The following LAMB4 variants were observed in gnomAD, a reference collection of about 807,000 sequenced individuals.
The protein encoded by LAMB4 is laminin subunit beta-4.
In LAMB4, 196 loss-of-function variants were observed where a neutral mutation model predicts 199.2. The ratio of observed to expected loss-of-function variants is 0.98; its 90% CI spans 0.88 to 1.11. The LOEUF (loss-of-function observed/expected upper bound fraction) is 1.11. Among genes scored for constraint, LAMB4 ranks in the 50% least tolerant of loss-of-function variants. The pLI is 0.00. For synonymous variants in LAMB4, 744 were observed against 770.6 expected (o/e 0.97, Z 0.57); for missense variants, 2,080 against 2,171.2 (o/e 0.96, Z 0.83).
At chr7:108,062,571 C>T (rs896685800) in intron 23 of LAMB4, 9 of 365,124 alleles carry the variant, frequency 2.5e-5, no homozygotes, top group Middle Eastern at 1.4e-3. Context: ...CTGAAGTAGG[C>T]GAAGCTGAAC....
chr7:108,111,982 T>G, intron 3 of LAMB4, 36 bp from the exon 4 acceptor site: 1 of 1,553,572 alleles, frequency 6.4e-7, no homozygotes, highest in South Asian at 1.2e-5. Context: ...AAAATAAAAA[T>G]TGGAATTACA....
chr7:108,072,313 T>A (rs2036560623), intron 17 of LAMB4, among the ~76,000 whole-genome samples: 1 of 152,158 alleles, frequency 6.6e-6, no homozygotes, highest in South Asian at 2.1e-4. Flanking sequence ...CTTCATTGTG[T>A]CTTCTGGTGT....
chr7:108,105,760 C>A (rs1157318358), intron 8 of LAMB4, 57 bp downstream of exon 8: 2 of 1,432,356 alleles, frequency 1.4e-6, no homozygotes, highest in Non-Finnish European at 2.0e-6. Context: ...ATATATAGCA[C>A]CAGGACAGTG....
intron 29 of LAMB4, among the ~76,000 whole-genome samples, chr7:108,039,479 T>C (rs2035345615): frequency 6.6e-6 from 1 of 151,030 alleles, no homozygotes; most frequent in Non-Finnish European, 1.5e-5. Context: ...TCTTTTTTTT[T>C]TTTTTTTGAG....
At chr7:108,091,912 T>A in intron 13 of LAMB4, 136 bp from the exon 14 acceptor site, 1 of 847,664 alleles carries the variant, frequency 1.2e-6, no homozygotes. Flanking sequence ...TGTGGGAAGA[T>A]GCAGAAAGGC....
the LAMB4 span, among the ~76,000 whole-genome samples, chr7:108,014,788 T>G: frequency 6.6e-6 from 1 of 151,920 alleles, no homozygotes; most frequent in Admixed American, 6.6e-5. Context: ...AGTGGTGTGA[T>G]CTCAGCTCAC....
Position 108,104,625 on chromosome 7 carries a change from T to C in LAMB4, c.871-6A>G. 1.9e-6 allele frequency: 3 copies of C among 1,613,706 alleles called. No homozygotes were observed. The highest frequency in any genetic ancestry group is 2.5e-6 in the Non-Finnish European group (3 of 1,179,824). ...CACACACACTGACCGTGAACCTGCA[T>C]TGTGCAATAAATAGAGCGTTGAAAG... On this transcript the variant is annotated splice_region_variant and splice_polypyrimidine_tract_variant and intron_variant, in intron 8 of 33. Transcript: ENST00000388781.
At chr7:108,018,389 T>C in the LAMB4 span, among the ~76,000 whole-genome samples, 2 of 152,130 alleles carry the variant, frequency 1.3e-5, no homozygotes, top group African/African-American at 4.8e-5. Context: ...CCCAATGTCC[T>C]CTGCAGGGTT....
In LAMB4 at chr7:108,047,999, A is replaced by G; in HGVS notation, c.4235T>C (p.Leu1412Pro). Residue 1412 changes from leucine to proline, a missense_variant, in exon 28 of 34, where the codon CTG becomes CCG. Leu to Pro is a moderately conservative substitution (Grantham distance 98, BLOSUM62 -3). Coordinates refer to ENST00000388781, the MANE Select transcript of LAMB4 (RefSeq NM_007356.3). ...KCRGPGCHGS[L>P]TLSTNALQKA... The stretch of plus-strand genomic sequence containing the variant: ...TTGGAGGGCATTCGTTGAGAGGGTC[A>G]GGGAGCCGTGACAGCCGGGACCCCT... The G allele has an allele frequency of 2.5e-6, 4 of 1,614,178 alleles. No homozygotes were observed. The highest frequency in any genetic ancestry group is 3.4e-6 in the Non-Finnish European group (4 of 1,180,004).
At chr7:108,088,325 G>T (rs2037264027) in intron 14 of LAMB4, among the ~76,000 whole-genome samples, 1 of 152,112 alleles carries the variant, frequency 6.6e-6, no homozygotes, top group African/African-American at 2.4e-5. Context: ...ACCACGCCCA[G>T]CTAATTTTTG....
In LAMB4 at chr7:108,069,723, G is replaced by A; in HGVS notation, c.2287C>T (p.His763Tyr). The part of the protein sequence containing the change: ...RLIISMSAKL[H>Y]DGAVACKCHP... Reference sequence around the variant, plus strand: ...AGATACTTACCCACAGCCCCATCATGCAGCTTGGCAGACATGCTGATGATC... The same window carrying A: ...AGATACTTACCCACAGCCCCATCATACAGCTTGGCAGACATGCTGATGATC... The change falls in exon 18 of 34, where the codon CAT becomes TAT. Residue 763 changes from histidine to tyrosine, a missense_variant. By Grantham distance (83) the His-to-Tyr change is moderately conservative. Coordinates refer to ENST00000388781, the MANE Select transcript of LAMB4 (RefSeq NM_007356.3). The A allele has an allele frequency of 5.6e-6, 9 of 1,613,700 alleles. No homozygotes were observed. The highest frequency in any genetic ancestry group is 7.6e-6 in the Non-Finnish European group (9 of 1,179,694).
In LAMB4 at chr7:108,068,119, G is replaced by A. The variant is rs2036406323; in HGVS notation, c.2343C>T (p.Cys781=). ...ACTGGCACTGGCCTCCAAGTCGGCT[G>A]CAGCTGGATCCGACTGAGCCCTGGG... ...CHPQGSVGSS[C]SRLGGQCQCK... The change falls in exon 19 of 34, where the codon TGC becomes TGT. Residue 781 remains cysteine (C), a synonymous_variant. Transcript: ENST00000388781. The A allele has an allele frequency of 6.2e-7, 1 of 1,614,050 alleles. No individual in the cohort carries two copies.
intron 25 of LAMB4, among the ~76,000 whole-genome samples, chr7:108,052,527 T>G (rs1479994312): frequency 6.6e-6 from 1 of 152,246 alleles, no homozygotes; most frequent in African/African-American, 2.4e-5. Context: ...CATTCCATTT[T>G]GACTGTTTAT....
At chr7:108,104,416 C>T in intron 9 of LAMB4, 83 bp downstream of exon 9, 1 of 1,528,704 alleles carries the variant, frequency 6.5e-7, no homozygotes, top group Non-Finnish European at 8.9e-7. Flanking sequence ...GTGCCTGCAG[C>T]CCCACAGAAG....
chr7:108,067,604 C>T (rs2036386397), intron 19 of LAMB4, among the ~76,000 whole-genome samples: 1 of 152,218 alleles, frequency 6.6e-6, no homozygotes, highest in Non-Finnish European at 1.5e-5. Flanking sequence ...GTGGTGACAG[C>T]ATTGTCCCTT....
intron 1 of LAMB4, among the ~76,000 whole-genome samples, chr7:108,125,490 A>T (rs1488694813): frequency 1.3e-5 from 2 of 152,230 alleles, no homozygotes; most frequent in Non-Finnish European, 2.9e-5. Context: ...ATTCAGTGAG[A>T]TGACAATCTC....
chr7:108,106,846 T>A (rs1391224163), intron 6 of LAMB4, among the ~76,000 whole-genome samples: 2 of 152,090 alleles, frequency 1.3e-5, no homozygotes, highest in African/African-American at 4.8e-5. Context: ...GAATTACAGA[T>A]GTGAGCCATC....
chr7:108,012,219 T>A, the LAMB4 span, among the ~76,000 whole-genome samples: 1 of 151,900 alleles, frequency 6.6e-6, no homozygotes. Context: ...ATAGAAATGA[T>A]AACAATTTCT....
In LAMB4 at chr7:108,037,460, C is replaced by T; in HGVS notation, c.4607G>A (p.Arg1536Lys). 6.2e-7 allele frequency: 1 copy of T among 1,614,108 alleles called. No individual in the cohort carries two copies. The highest frequency in any genetic ancestry group is 2.2e-5 in the East Asian group (1 of 44,884). Residue 1536 changes from arginine (R) to lysine (K), a missense_variant, in exon 30 of 34, where the codon AGG becomes AAG. Physicochemically the swap from Arg to Lys is conservative, Grantham distance 26. Coordinates refer to ENST00000388781, the MANE Select transcript of LAMB4 (RefSeq NM_007356.3). ...TTCATTTAACCTGTTTTCATCTGTC[C>T]TGTAATCCTCACAGAGTTGCATATG... ...QKHMQLCEDY[R>K]TDENRLNEEA...
Sources: allele counts gnomAD v4.1 joint callset (sites outside exome capture counted in the v4.1 genomes callset), GRCh38; gene constraint gnomAD v4.1.1; transcripts MANE v1.5; gene names NCBI Gene and HGNC (gene_info 2026-07-23, HGNC 2026-07-21).